The following RASA3 variants were observed in gnomAD, a reference collection of about 807,000 sequenced individuals.
The protein encoded by RASA3 is ras GTPase-activating protein 3.
In RASA3, 73 loss-of-function variants were observed where a neutral mutation model predicts 110.0. That is an observed-to-expected ratio of 0.66 (90% CI 0.55 to 0.81). RASA3 has a LOEUF of 0.81. RASA3 is among the 30% of genes least tolerant of loss of function. RASA3 has a pLI of 0.00. For missense variants in RASA3, 976 were observed against 1,113.2 expected, an observed-to-expected ratio of 0.88 and a Z score of 1.75; for synonymous variants, 500 against 451.4, an observed-to-expected ratio of 1.11 and a Z score of -1.37.
chr13:114,079,233 T>C (rs977493028), intron 1 of RASA3, among the ~76,000 whole-genome samples: 2 of 152,204 alleles, frequency 1.3e-5, no homozygotes, highest in Admixed American at 1.3e-4. Context: ...GGCGCTCTTC[T>C]CTTTCCCACG....
intron 1 of RASA3, among the ~76,000 whole-genome samples, chr13:114,128,455 T>C (rs971836804): frequency 9.2e-5 from 14 of 152,240 alleles, no homozygotes; most frequent in Non-Finnish European, 1.8e-4. Context: ...CCGGAGCCCT[T>C]ACCTTCTAGC....
At chr13:113,997,471 G>C (rs1051676253) in intron 20 of RASA3, among the ~76,000 whole-genome samples, 10 of 152,084 alleles carry the variant, frequency 6.6e-5, no homozygotes, top group Non-Finnish European at 1.3e-4. Flanking sequence ...TAAGCAGGGG[G>C]TGGGGGCAAA....
chr13:114,075,488 G>A (rs1186140995), intron 1 of RASA3, among the ~76,000 whole-genome samples: 63 of 100,032 alleles, frequency 6.3e-4, no homozygotes, highest in African/African-American at 2.2e-3. Flanking sequence ...TGGAGGCACC[G>A]GCAGGACGAA....
In RASA3 at chr13:114,015,414, C is replaced by T. The variant is rs551343617; in HGVS notation, c.1282-82G>A. 3.2e-6 allele frequency: 5 copies of T among 1,562,308 alleles called. No homozygotes were observed. In the African/African-American group the frequency reaches 4.1e-5, roughly 13 times the overall value. On this transcript the variant is annotated intron_variant, in intron 13 of 23. Transcript: ENST00000334062. ...GCACCAGGGCACGCCCAGGGAGGGGCGCGTGGGGAGGGGCTGAGGGCGGGC... is the reference window on the plus strand; with the variant it reads ...GCACCAGGGCACGCCCAGGGAGGGGTGCGTGGGGAGGGGCTGAGGGCGGGC...
At chr13:114,024,220 G>T (rs933418912) in intron 8 of RASA3, 59 bp downstream of exon 8, 1 of 1,456,850 alleles carries the variant, frequency 6.9e-7, no homozygotes, top group Admixed American at 1.7e-5. Flanking sequence ...AAGAACAAAA[G>T]AGCTGAGGAG....
intron 16 of RASA3, among the ~76,000 whole-genome samples, chr13:114,010,053 G>A (rs534260886): frequency 2.2e-4 from 34 of 152,312 alleles, no homozygotes; most frequent in Non-Finnish European, 3.7e-4. Flanking sequence ...TGCAGACCTC[G>A]GAGGAGGCTC....
rs111972201 is a variant in RASA3 at position 113,996,781 on chromosome 13, C to T, written c.1933-42G>A. The T allele has an allele frequency of 3.1e-5, 48 of 1,560,198 alleles. 1 individual carries two copies. The highest frequency in any genetic ancestry group is 2.6e-4 in the African/African-American group (19 of 74,086). Reference sequence around the variant, plus strand: ...GCTCAGGACAGCGCACATGAGGTCTCGTGGCTGAGCACGTGCAAGAGTCCA... The same window carrying T: ...GCTCAGGACAGCGCACATGAGGTCTTGTGGCTGAGCACGTGCAAGAGTCCA... On this transcript the variant is annotated intron_variant, in intron 20 of 23. Transcript: ENST00000334062.
intron 1 of RASA3, among the ~76,000 whole-genome samples, chr13:114,097,801 G>A (rs560589726): frequency 5.3e-5 from 8 of 152,288 alleles, no homozygotes; most frequent in Admixed American, 3.3e-4. Context: ...CCGACAGGAC[G>A]GGGGACGCAG....
At chr13:114,007,396 C>A in intron 18 of RASA3, 137 bp downstream of exon 18, 1 of 294,284 alleles carries the variant, frequency 3.4e-6, no homozygotes. Flanking sequence ...CCCCTCCTGC[C>A]CTGCTGGACG....
chr13:114,104,847 C>T (rs955382440), intron 1 of RASA3, among the ~76,000 whole-genome samples: 1 of 151,436 alleles, frequency 6.6e-6, no homozygotes, highest in African/African-American at 2.4e-5. Context: ...CCCTCCCTCC[C>T]CACACACACG....
intron 1 of RASA3, among the ~76,000 whole-genome samples, chr13:114,120,851 C>T (rs984685812): frequency 3.9e-5 from 6 of 152,348 alleles, no homozygotes; most frequent in African/African-American, 1.4e-4. Flanking sequence ...GGCTCAAGCA[C>T]CAATGTTTGT....
intron 1 of RASA3, among the ~76,000 whole-genome samples, chr13:114,082,183 CGGGGAGCTGCG>C (rs2079796285): frequency 6.6e-6 from 1 of 152,230 alleles, no homozygotes; most frequent in African/African-American, 2.4e-5. Context: ...CCCCACTCAC[CGGGGAGCTGCG>C]GGTCTCACAG....
rs993657458 is a variant in RASA3 at position 114,056,333 on chromosome 13, C to T, written c.174-4178G>A. ...AGGGGCGGTGAGATGAGGATGCCAGCGCTAAGCACACCCCACAAACGGGCG... is the reference window on the plus strand; with the variant it reads ...AGGGGCGGTGAGATGAGGATGCCAGTGCTAAGCACACCCCACAAACGGGCG... On this transcript the variant is annotated intron_variant, in intron 2 of 23. Transcript: ENST00000334062. This position sits in a 1 kb window ranked among gnomAD's most constrained non-coding sequence, Gnocchi z 5.7. The T allele has an allele frequency of 1.1e-5, 6 of 557,476 alleles. No individual in the cohort carries two copies. Among genetic ancestry groups the T allele is most frequent in the Non-Finnish European group, 1.4e-5 (6 of 438,702 alleles). The allele number at this position is 557,476 out of a possible 1,614,324, so 34.5% of individuals were successfully genotyped here. A position where few individuals can be genotyped will look rare whatever the true frequency, so the allele number is the denominator to read the frequency against.
rs550711624 is a variant in RASA3, at chr13:114,105,656, C to T, written c.55+26779G>A. On this transcript the variant is annotated intron_variant, in intron 1 of 23. Transcript: ENST00000334062. ...TCGCTTCACCCAGCCTGAGGCTGGA[C>T]GGGAGGCACTGGCGTCTGCAGCACA... 2.0e-5 allele frequency among the ~76,000 whole-genome samples: 3 copies of T among 152,304 alleles called. No homozygotes were observed. In the South Asian group the frequency reaches 6.2e-4, roughly 32 times the overall value.
At chr13:114,061,875 CCATCT>C (rs1307680275) in intron 2 of RASA3, among the ~76,000 whole-genome samples, 1 of 152,096 alleles carries the variant, frequency 6.6e-6, no homozygotes, top group Non-Finnish European at 1.5e-5. Flanking sequence ...GGTGGTAACT[CCATCT>C]CAGACTCAAC....
intron 18 of RASA3, among the ~76,000 whole-genome samples, chr13:114,001,832 G>C (rs1408680545): frequency 6.6e-6 from 1 of 152,266 alleles, no homozygotes. Flanking sequence ...TGTTGTGCGG[G>C]AGTCACGCAC....
intron 1 of RASA3, among the ~76,000 whole-genome samples, chr13:114,099,283 G>A (rs1176582247): frequency 6.6e-6 from 1 of 152,080 alleles, no homozygotes; most frequent in Non-Finnish European, 1.5e-5. Context: ...GCCACAGGCA[G>A]CTGCTGAGGC....
chr13:114,116,879 A>ATGAGGGGTGCACGTGTG (rs1275460195), intron 1 of RASA3, among the ~76,000 whole-genome samples: 1 of 60,348 alleles, frequency 1.7e-5, no homozygotes, highest in Non-Finnish European at 3.1e-5. Context: ...GTGCACATGT[A>ATGAGGGGTGCACGTGTG]TGAGGGGTGC....
In RASA3 at chr13:113,979,196, G is replaced by A; in HGVS notation, c.*151C>T. The A allele has an allele frequency of 1.4e-6, 1 of 732,052 alleles. No individual in the cohort carries two copies. Among genetic ancestry groups the A allele is most frequent in the Non-Finnish European group, 2.3e-6 (1 of 432,294 alleles). The allele number at this position is 732,052 out of a possible 1,614,324, so 45.3% of individuals were successfully genotyped here. A position where few individuals can be genotyped will look rare whatever the true frequency, so the allele number is the denominator to read the frequency against. ...CGTGGCGGTGGTGGCAGCGGTTCTG[G>A]GAGAGGGAAACCCCAGCGCCACTTG... On this transcript the variant is annotated 3_prime_UTR_variant, in exon 24 of 24. Coordinates refer to ENST00000334062, the MANE Select transcript of RASA3 (RefSeq NM_007368.4).
Sources: gnomAD v4.1 joint callset for allele counts (sites outside exome capture counted in the v4.1 genomes callset) on GRCh38, gnomAD v4.1.1 for gene constraint, Gnocchi (gnomAD v3.1) non-coding constraint, MANE v1.5 for transcripts, NCBI Gene and HGNC (gene_info 2026-07-23, HGNC 2026-07-21) for gene names.